The following ECPAS variants were observed in gnomAD, a reference collection of about 807,000 sequenced individuals.
ECPAS encodes Ecm29 proteasome adaptor and scaffold.
A neutral mutation model predicts 255.1 loss-of-function variants in ECPAS; 70 were observed. The ratio of observed to expected loss-of-function variants is 0.27; its 90% CI spans 0.23 to 0.33. ECPAS has a LOEUF of 0.33. Among genes scored for constraint, ECPAS ranks in the 10% least tolerant of loss-of-function variants. ECPAS has a pLI of 1.00. For missense variants in ECPAS, 1,817 were observed against 2,206.4 expected (o/e 0.82, Z 3.54); for synonymous variants, 784 against 775.0 (o/e 1.01, Z -0.19).
intron 21 of ECPAS, 124 bp downstream of exon 21, chr9:111,411,890 T>C (rs368526080): frequency 1.2e-6 from 1 of 830,440 alleles, no homozygotes; most frequent in Non-Finnish European, 1.8e-6. Context: ...TTACTCTTTA[T>C]GGTCATAAAA....
intron 48 of ECPAS, among the ~76,000 whole-genome samples, chr9:111,363,936 A>G (rs1015052506): frequency 5.9e-5 from 9 of 152,202 alleles, no homozygotes; most frequent in African/African-American, 2.2e-4. Flanking sequence ...CCATTTTAGA[A>G]GTGGGAGATG....
intron 18 of ECPAS, among the ~76,000 whole-genome samples, chr9:111,415,306 T>C (rs2098201643): frequency 6.6e-6 from 1 of 151,922 alleles, no homozygotes; most frequent in Non-Finnish European, 1.5e-5. Context: ...AAATGGCCTA[T>C]TACTCCTGCA....
At chr9:111,480,292 CTTTTTTTTTTTT>C (rs398011866) in intron 1 of ECPAS, among the ~76,000 whole-genome samples, 4 of 63,636 alleles carry the variant, frequency 6.3e-5, no homozygotes, top group Admixed American at 2.4e-4. Flanking sequence ...AGCACCTTTT[CTTTTTTTTTTTT>C]TTTTTTTTTT....
chr9:111,472,052 T>C (rs1429171574), intron 2 of ECPAS, among the ~76,000 whole-genome samples: 1 of 151,782 alleles, frequency 6.6e-6, no homozygotes, highest in African/African-American at 2.4e-5. Flanking sequence ...CAGTGAGCCA[T>C]GATCGTGCCA....
intron 24 of ECPAS, among the ~76,000 whole-genome samples, chr9:111,406,616 A>C (rs1053972189): frequency 2.7e-5 from 4 of 149,908 alleles, no homozygotes; most frequent in African/African-American, 5.1e-5. Flanking sequence ...TAAAAAATTA[A>C]AAATGGGCGA....
In ECPAS at chr9:111,394,282, G is replaced by A; in HGVS notation, c.2800C>T (p.Pro934Ser). The A allele has an allele frequency of 1.3e-6, 2 of 1,566,166 alleles. No individual in the cohort carries two copies. The highest frequency in any genetic ancestry group is 8.7e-7 in the Non-Finnish European group (1 of 1,155,832). ...PAGAKVNDVV[P>S]WVLDVILNKH... ...TTTAAAATCACATCCAACACCCATG[G>A]AACCACATCATTCACTTTGGCTCCT... The change falls in exon 26 of 50, where the codon CCA becomes TCA. Residue 934 changes from proline to serine, a missense_variant. Physicochemically the swap from Pro to Ser is moderately conservative, Grantham distance 74 (BLOSUM62 -1). Around this residue, in one of 4 missense-constraint regions of ECPAS, gnomAD observed 960 missense variants for 1,179.0 expected, o/e 0.81. Coordinates refer to ENST00000684092, the MANE Select transcript of ECPAS (RefSeq NM_001364929.1).
At chr9:111,379,213 G>A (rs571440881) in intron 35 of ECPAS, among the ~76,000 whole-genome samples, 4 of 152,188 alleles carry the variant, frequency 2.6e-5, no homozygotes, top group Non-Finnish European at 4.4e-5. Context: ...ATGTCCAGCA[G>A]TAGTCCCATA....
At chr9:111,379,598 T>G (rs2098138002) in intron 35 of ECPAS, among the ~76,000 whole-genome samples, 1 of 152,208 alleles carries the variant, frequency 6.6e-6, no homozygotes, top group African/African-American at 2.4e-5. Context: ...TTTCACAAAA[T>G]AATTCTTTGT....
chr9:111,363,627 C>T lies in ECPAS; in HGVS notation c.5341G>A (p.Ala1781Thr). 1 of 1,571,800 alleles carries T rather than the reference C, an allele frequency of 6.4e-7. No individual in the cohort carries two copies. Among genetic ancestry groups the T allele is most frequent in the Non-Finnish European group, 8.7e-7 (1 of 1,155,924 alleles). ...NKTYSSVRTE[A>T]LSVIELLLKK... ...AGCAGCAATTCTATCACAGATAAAG[C>T]TTCTGTTCTCACAGATGAGTAGGTC... The change falls in exon 49 of 50, where the codon GCT becomes ACT. Residue 1781 changes from alanine (A) to threonine (T), a missense_variant. Physicochemically the swap from Ala to Thr is moderately conservative, Grantham distance 58. Coordinates refer to ENST00000684092, the MANE Select transcript of ECPAS (RefSeq NM_001364929.1).
chr9:111,373,537 G>A (rs1197568577), intron 39 of ECPAS, 131 bp from the exon 40 acceptor site: 3 of 691,068 alleles, frequency 4.3e-6, no homozygotes, highest in Non-Finnish European at 7.4e-6. Context: ...ATTTCTGGAT[G>A]TTATATTTAT....
At chr9:111,449,985 A>T (rs1347014777) in intron 3 of ECPAS, among the ~76,000 whole-genome samples, 1 of 151,820 alleles carries the variant, frequency 6.6e-6, no homozygotes, top group Non-Finnish European at 1.5e-5. Flanking sequence ...CTCCCCTTAT[A>T]CCCCACACTT....
intron 2 of ECPAS, among the ~76,000 whole-genome samples, chr9:111,470,054 A>G (rs1372881253): frequency 1.3e-5 from 2 of 152,098 alleles, no homozygotes; most frequent in African/African-American, 2.4e-5. Flanking sequence ...CTCTCCAGCC[A>G]GGGCCCAAGA....
chr9:111,446,502 G>A (rs1445243089), intron 3 of ECPAS, among the ~76,000 whole-genome samples: 2 of 152,110 alleles, frequency 1.3e-5, no homozygotes, highest in East Asian at 3.9e-4. Flanking sequence ...GTTTGACACC[G>A]ACAGCAAAAA....
intron 24 of ECPAS, among the ~76,000 whole-genome samples, chr9:111,405,260 C>A (rs1030447527): frequency 6.7e-6 from 1 of 149,718 alleles, no homozygotes; most frequent in East Asian, 2.0e-4. Context: ...GATAAATCTA[C>A]TGATTTACAG....
At chr9:111,404,567 T>C (rs2098181092) in intron 24 of ECPAS, among the ~76,000 whole-genome samples, 1 of 149,122 alleles carries the variant, frequency 6.7e-6, no homozygotes, top group Non-Finnish European at 1.5e-5. Flanking sequence ...CACCTCCCGC[T>C]TTGTTATTTT....
intron 1 of ECPAS, among the ~76,000 whole-genome samples, chr9:111,481,640 C>G (rs1037287224): frequency 6.6e-6 from 1 of 152,218 alleles, no homozygotes; most frequent in Non-Finnish European, 1.5e-5. Context: ...AAAGGGGTAT[C>G]TGTACACCCA....
chr9:111,397,479 G>A (rs1321044238), intron 24 of ECPAS, among the ~76,000 whole-genome samples: 1 of 152,206 alleles, frequency 6.6e-6, no homozygotes, highest in African/African-American at 2.4e-5. Flanking sequence ...TTGAAGCCAT[G>A]TAAGTCTCAA....
intron 35 of ECPAS, among the ~76,000 whole-genome samples, chr9:111,382,590 C>T (rs2098142112): frequency 6.6e-6 from 1 of 151,994 alleles, no homozygotes; most frequent in South Asian, 2.1e-4. Context: ...TTAATTGCGT[C>T]ATGCCTTTGC....
rs1368857341 is a variant in ECPAS, at chr9:111,387,309, C to T, written c.3448-853G>A. 4.6e-5 allele frequency among the ~76,000 whole-genome samples: 7 copies of T among 151,850 alleles called. No homozygotes were observed. The East Asian group carries it at 1.4e-3, about 29-fold the overall frequency. On this transcript the variant is annotated intron_variant, in intron 31 of 49. Coordinates refer to ENST00000684092, the MANE Select transcript of ECPAS (RefSeq NM_001364929.1). ...CAGTGCAGTTATTGAGGGACAGAGTCTCACTCATCGTCAGTGCAGTTATTG... is the reference window on the plus strand; with the variant it reads ...CAGTGCAGTTATTGAGGGACAGAGTTTCACTCATCGTCAGTGCAGTTATTG...
Sources: allele counts gnomAD v4.1 joint callset (sites outside exome capture counted in the v4.1 genomes callset), GRCh38; gene constraint gnomAD v4.1.1; regional missense constraint gnomAD v4.1.1; transcripts MANE v1.5; gene names NCBI Gene and HGNC (gene_info 2026-07-23, HGNC 2026-07-21).